The following FGF12 variants were observed in gnomAD, a reference collection of about 807,000 sequenced individuals.
The protein encoded by FGF12 is fibroblast growth factor 12B.
Under a neutral mutation model 23.6 loss-of-function variants are expected in FGF12, and 14 were observed. That is an observed-to-expected ratio of 0.59 (90% CI 0.39 to 0.93). The LOEUF (loss-of-function observed/expected upper bound fraction) is 0.93, where lower values mean the gene tolerates loss of function less well. Among genes scored for constraint, FGF12 ranks in the 40% least tolerant of loss-of-function variants. The probability of loss-of-function intolerance (pLI) is 0.00; values close to 1 mark genes in which losing one functional copy is unlikely to be tolerated. For missense variants in FGF12, 175 were observed against 217.8 expected (o/e 0.80, Z 1.24); for synonymous variants, 62 against 77.3 (o/e 0.80, Z 1.04).
Position 192,144,049 on chromosome 3 carries a change from G to T in FGF12, c.506C>A (p.Thr169Asn). The T allele has an allele frequency of 6.2e-7, 1 of 1,613,594 alleles. No individual in the cohort carries two copies. The highest frequency in any genetic ancestry group is 8.5e-7 in the Non-Finnish European group (1 of 1,179,582). The change falls in exon 6 of 6, where the codon ACC becomes AAC. Residue 169 changes from threonine to asparagine, a missense_variant. Physicochemically the swap from Thr to Asn is moderately conservative, Grantham distance 65. Transcript: ENST00000445105. ...ATTCACAACTTTGCCTCCATTCATG[G>T]TTGGTGTTCCAGAACTTTTCCTTGA... Reference protein sequence around the residue: ...GRSRKSSGTPTMNGGKVVNQD... With the variant: ...GRSRKSSGTPNMNGGKVVNQD...
At chr3:192,710,808 T>C (rs1718638224) in intron 2 of FGF12, among the ~76,000 whole-genome samples, 2 of 152,178 alleles carry the variant, frequency 1.3e-5, no homozygotes, top group African/African-American at 4.8e-5. Context: ...ACAGAGTGAA[T>C]ACCACACTGA....
At chr3:192,222,280 C>T (rs112679488) in intron 4 of FGF12, among the ~76,000 whole-genome samples, 3 of 151,910 alleles carry the variant, frequency 2.0e-5, no homozygotes, top group South Asian at 2.1e-4. Context: ...TCTTAACAGC[C>T]GACTCTATTG....
chr3:192,193,771 T>A (rs988482282), intron 4 of FGF12, among the ~76,000 whole-genome samples: 3 of 152,182 alleles, frequency 2.0e-5, no homozygotes, highest in Non-Finnish European at 2.9e-5. Flanking sequence ...GTCTTCTTTT[T>A]TTTTTAAGGA....
At chr3:192,557,265 A>T (rs900057763) in intron 2 of FGF12, among the ~76,000 whole-genome samples, 1 of 149,472 alleles carries the variant, frequency 6.7e-6, no homozygotes, top group Non-Finnish European at 1.5e-5. Context: ...AAAATTAAGA[A>T]TTTTTTTTTG....
At chr3:192,577,562 G>A (rs1712963502) in intron 2 of FGF12, among the ~76,000 whole-genome samples, 1 of 152,166 alleles carries the variant, frequency 6.6e-6, no homozygotes, top group Non-Finnish European at 1.5e-5. Context: ...AAAAAGCTGG[G>A]ACAGAGAACA....
intron 2 of FGF12, among the ~76,000 whole-genome samples, chr3:192,554,377 C>T (rs1235083028): frequency 6.6e-6 from 1 of 152,066 alleles, no homozygotes; most frequent in Non-Finnish European, 1.5e-5. Context: ...CAAAAGAGAG[C>T]TAGGCACCTT....
In FGF12 at chr3:192,447,976, C is replaced by T. The variant is rs187780501; in HGVS notation, c.14-87438G>A. ...TCGCCAGTTTCTGAACTTCACAGCC[C>T]TTTTTGCCTGACTTCTTTCGCCCAA... On this transcript the variant is annotated intron_variant, in intron 2 of 5. Coordinates refer to ENST00000445105, the MANE Select transcript of FGF12 (RefSeq NM_004113.6). Among the ~76,000 whole-genome samples the T allele has an allele frequency of 1.6e-3, 245 of 152,310 alleles. 1 individual carries two copies. Among genetic ancestry groups the T allele is most frequent in the African/African-American group, 5.5e-3 (228 of 41,576 alleles).
intron 4 of FGF12, among the ~76,000 whole-genome samples, chr3:192,313,436 A>T (rs1716062458): frequency 1.3e-5 from 2 of 152,198 alleles, no homozygotes; most frequent in Admixed American, 6.5e-5. Flanking sequence ...CCCTGAAGAG[A>T]AAACCTTTTC....
intron 4 of FGF12, among the ~76,000 whole-genome samples, chr3:192,183,292 A>G (rs574584605): frequency 6.6e-6 from 1 of 152,126 alleles, no homozygotes; most frequent in African/African-American, 2.4e-5. Flanking sequence ...CTAGAAACGC[A>G]CATCTCACAG....
chr3:192,492,606 T>C (rs1015649941), intron 2 of FGF12, among the ~76,000 whole-genome samples: 11 of 152,184 alleles, frequency 7.2e-5, no homozygotes, highest in African/African-American at 2.7e-4. Context: ...AAAGTAATTA[T>C]TTTTATAGTA....
At chr3:192,495,699 C>A (rs1002176775) in intron 2 of FGF12, among the ~76,000 whole-genome samples, 2 of 152,142 alleles carry the variant, frequency 1.3e-5, no homozygotes, top group Non-Finnish European at 2.9e-5. Context: ...CAGGGTCTTG[C>A]TCTGTTGCCC....
chr3:192,442,424 A>C (rs1722226255), intron 2 of FGF12, among the ~76,000 whole-genome samples: 1 of 152,190 alleles, frequency 6.6e-6, no homozygotes, highest in Non-Finnish European at 1.5e-5. Context: ...CAATATTATA[A>C]AAGAAAAGAT....
chr3:192,543,271 T>G (rs1020970399), intron 2 of FGF12, among the ~76,000 whole-genome samples: 1 of 152,194 alleles, frequency 6.6e-6, no homozygotes, highest in African/African-American at 2.4e-5. Flanking sequence ...ACAGAGTTTC[T>G]GCCTGTGGCC....
chr3:192,512,835 A>ATATATATATAT (rs1724521996), intron 2 of FGF12, among the ~76,000 whole-genome samples: 2 of 76,778 alleles, frequency 2.6e-5, no homozygotes, highest in African/African-American at 1.3e-4. Context: ...TACTCAAATA[A>ATATATATATAT]ATATATATAT....
intron 5 of FGF12, among the ~76,000 whole-genome samples, chr3:192,161,347 T>C (rs895900733): frequency 1.3e-5 from 2 of 152,148 alleles, no homozygotes; most frequent in Non-Finnish European, 2.9e-5. Flanking sequence ...TCCTTAATTC[T>C]TCCATGAGAA....
chr3:192,431,373 C>T (rs962952027), intron 2 of FGF12, among the ~76,000 whole-genome samples: 5 of 152,078 alleles, frequency 3.3e-5, no homozygotes, highest in African/African-American at 1.2e-4. Context: ...AGGGGAGAAA[C>T]AAAATAGCTG....
intron 4 of FGF12, among the ~76,000 whole-genome samples, chr3:192,228,357 C>T (rs985579670): frequency 6.6e-6 from 1 of 152,048 alleles, no homozygotes; most frequent in African/African-American, 2.4e-5. Context: ...GTGTCCTGAC[C>T]TCTTATTCTG....
At chr3:192,253,900 A>C (rs1577285239) in intron 4 of FGF12, among the ~76,000 whole-genome samples, 1 of 152,228 alleles carries the variant, frequency 6.6e-6, no homozygotes, top group East Asian at 1.9e-4. Context: ...AAAATTAATT[A>C]ACTTTAACTT....
intron 2 of FGF12, among the ~76,000 whole-genome samples, chr3:192,713,183 A>T (rs1718751215): frequency 6.6e-6 from 1 of 152,240 alleles, no homozygotes; most frequent in Admixed American, 6.5e-5. Context: ...CTGATCTAAC[A>T]AAAATAACAA....
Sources: allele counts gnomAD v4.1 joint callset (sites outside exome capture counted in the v4.1 genomes callset), GRCh38; gene constraint gnomAD v4.1.1; transcripts MANE v1.5; gene names NCBI Gene and HGNC (gene_info 2026-07-23, HGNC 2026-07-21).